The following SLC9A4 variants were observed in gnomAD, a reference collection of about 807,000 sequenced individuals.
SLC9A4 encodes the protein sodium/hydrogen exchanger 4.
In SLC9A4, 63 loss-of-function variants were observed where a neutral mutation model predicts 67.4. That is an observed-to-expected ratio of 0.93 (90% CI 0.76 to 1.15). SLC9A4 has a LOEUF of 1.15. Ranked by LOEUF, SLC9A4 falls within the 50% of genes most tolerant of loss-of-function variation. The pLI is 0.00. For synonymous variants in SLC9A4, 393 were observed against 367.2 expected, an observed-to-expected ratio of 1.07 and a Z score of -0.80; for missense variants, 1,089 against 987.7, an observed-to-expected ratio of 1.10 and a Z score of -1.38.
Position 102,473,281 on chromosome 2 carries a change from T to A in SLC9A4, c.-479T>A, listed in dbSNP as rs1456574994. On this transcript the variant is annotated 5_prime_UTR_variant, in exon 1 of 12. Coordinates refer to ENST00000295269, the MANE Select transcript of SLC9A4 (RefSeq NM_001011552.4). Reference sequence around the variant, plus strand: ...AGAGAAGGAACAAGCGCAGATCAGGTAGCTCCTTCTTGGGATCTGATAGAC... The same window carrying A: ...AGAGAAGGAACAAGCGCAGATCAGGAAGCTCCTTCTTGGGATCTGATAGAC... The A allele has an allele frequency of 6.5e-6, 1 of 154,584 alleles. No individual in the cohort carries two copies. The highest frequency in any genetic ancestry group is 6.4e-5 in the Admixed American group (1 of 15,544). The allele number at this position is 154,584 out of a possible 1,614,324, so 9.6% of individuals were successfully genotyped here. A position where few individuals can be genotyped will look rare whatever the true frequency, so the allele number is the denominator to read the frequency against.
At position 102,487,956 on chromosome 2, in the gene SLC9A4, C is replaced by T. The variant is rs183344457; in HGVS notation, c.720+8654C>T. On this transcript the variant is annotated intron_variant, in intron 2 of 11. Transcript: ENST00000295269. ...AGCTTCATCTCCTGCCTTTGAGGAG[C>T]CACAGCTATGAACACATGACTTATT... Among the ~76,000 whole-genome samples, 427 of 152,344 alleles carry T rather than the reference C, an allele frequency of 2.8e-3. 6 individuals carry two copies. Among genetic ancestry groups the T allele is most frequent in the African/African-American group, 9.3e-3 (388 of 41,576 alleles).
At chr2:102,500,319 G>A (rs1012639054) in intron 2 of SLC9A4, among the ~76,000 whole-genome samples, 1 of 152,168 alleles carries the variant, frequency 6.6e-6, no homozygotes, top group African/African-American at 2.4e-5. Context: ...ACGCCTTCAG[G>A]GGGCGCGTAG....
At chr2:102,490,513 C>T (rs531320044) in intron 2 of SLC9A4, among the ~76,000 whole-genome samples, 1 of 152,250 alleles carries the variant, frequency 6.6e-6, no homozygotes, top group Admixed American at 6.5e-5. Flanking sequence ...TGGATTAAGG[C>T]CCCACCCTTA....
intron 9 of SLC9A4, among the ~76,000 whole-genome samples, chr2:102,523,766 T>C (rs1306909298): frequency 6.6e-6 from 1 of 152,204 alleles, no homozygotes; most frequent in Non-Finnish European, 1.5e-5. Context: ...TCTTTTATGG[T>C]AACAGACTCA....
At chr2:102,517,026 A>G (rs1030888255) in intron 8 of SLC9A4, among the ~76,000 whole-genome samples, 2 of 152,228 alleles carry the variant, frequency 1.3e-5, no homozygotes, top group Non-Finnish European at 1.5e-5. Flanking sequence ...TGGATTGCAC[A>G]TTGACAGGTA....
intron 8 of SLC9A4, among the ~76,000 whole-genome samples, chr2:102,516,989 C>T (rs1287293304): frequency 6.6e-6 from 1 of 152,148 alleles, no homozygotes; most frequent in African/African-American, 2.4e-5. Flanking sequence ...CCTAAAGTAA[C>T]TTCATTGTAG....
rs761634145 is a variant in SLC9A4 at position 102,478,950 on chromosome 2, C to G, written c.368C>G (p.Pro123Arg). The change falls in exon 2 of 12, where the codon CCG (proline) becomes CGG (arginine). Residue 123 changes from proline to arginine, a missense_variant. Coordinates refer to ENST00000295269, the MANE Select transcript of SLC9A4 (RefSeq NM_001011552.4). ...TTCGGCACCGACCACAAATCGCCTCCGGTCATGGACTCCAGCATCTACTTC... is the reference window on the plus strand; with the variant it reads ...TTCGGCACCGACCACAAATCGCCTCGGGTCATGGACTCCAGCATCTACTTC... ...IIFGTDHKSP[P>R]VMDSSIYFLY... The G allele has an allele frequency of 3.7e-6, 6 of 1,613,936 alleles. No individual in the cohort carries two copies. Among genetic ancestry groups the G allele is most frequent in the Non-Finnish European group, 4.2e-6 (5 of 1,179,986 alleles).
At chr2:102,494,551 C>G (rs936733300) in intron 2 of SLC9A4, among the ~76,000 whole-genome samples, 1 of 152,000 alleles carries the variant, frequency 6.6e-6, no homozygotes, top group Admixed American at 6.6e-5. Flanking sequence ...ATTAACAGAA[C>G]TGATTATAAA....
intron 4 of SLC9A4, among the ~76,000 whole-genome samples, chr2:102,507,820 T>A (rs1685080027): frequency 6.6e-6 from 1 of 152,222 alleles, no homozygotes; most frequent in Non-Finnish European, 1.5e-5. Context: ...TTTATTAATT[T>A]AAACACATAA....
Position 102,483,837 on chromosome 2 carries a change from T to TACAC in SLC9A4, c.720+4536_720+4537insCACA, listed in dbSNP as rs1361861820. 4.1e-3 allele frequency among the ~76,000 whole-genome samples: 499 copies of TACAC among 121,570 alleles called. 2 individuals are homozygous for TACAC. The highest frequency in any genetic ancestry group is 0.03 in the East Asian group (127 of 4,212). The allele number at this position is 121,570 out of a possible 152,430, so 79.8% of individuals were successfully genotyped here. A position where few individuals can be genotyped will look rare whatever the true frequency, so the allele number is the denominator to read the frequency against. On this transcript the variant is annotated intron_variant, in intron 2 of 11. Transcript: ENST00000295269. Reference sequence around the variant, plus strand: ...ATATATATATATATATATATATATATATATACACACACACAATATACACAC... The same window carrying TACAC: ...ATATATATATATATATATATATATATACACATATACACACACACAATATACACAC...
chr2:102,495,683 G>C (rs1573336488), intron 2 of SLC9A4, among the ~76,000 whole-genome samples: 1 of 152,172 alleles, frequency 6.6e-6, no homozygotes, highest in African/African-American at 2.4e-5. Flanking sequence ...GACTATGAAA[G>C]AGACTGGAGA....
chr2:102,503,152 G>A (rs1181474590), intron 2 of SLC9A4, among the ~76,000 whole-genome samples: 1 of 152,236 alleles, frequency 6.6e-6, no homozygotes, highest in African/African-American at 2.4e-5. Context: ...ACAAATGGAA[G>A]GGTTCATTTG....
intron 5 of SLC9A4, among the ~76,000 whole-genome samples, chr2:102,508,549 A>G (rs1453312205): frequency 6.6e-6 from 1 of 152,232 alleles, no homozygotes; most frequent in African/African-American, 2.4e-5. Context: ...TGAGATTCCA[A>G]TTAGTACTAC....
chr2:102,517,724 T>C lies in SLC9A4; in HGVS notation c.1722-2135T>C, dbSNP rs1332796015. 2.0e-5 allele frequency among the ~76,000 whole-genome samples: 3 copies of C among 152,256 alleles called. No homozygotes were observed. In the East Asian group the frequency reaches 5.8e-4, roughly 29 times the overall value. On this transcript the variant is annotated intron_variant, in intron 8 of 11. Coordinates refer to ENST00000295269, the MANE Select transcript of SLC9A4 (RefSeq NM_001011552.4). ...ACCCCAAAACTATGTACAACTACTA[T>C]GTATCAATATAAAAGATAAGTAAGA...
At chr2:102,494,885 T>G (rs989938445) in intron 2 of SLC9A4, among the ~76,000 whole-genome samples, 1 of 152,106 alleles carries the variant, frequency 6.6e-6, no homozygotes, top group East Asian at 1.9e-4. Context: ...TCTATAATTT[T>G]AGTAGGAGAT....
intron 2 of SLC9A4, among the ~76,000 whole-genome samples, chr2:102,491,160 C>T (rs1684689723): frequency 1.3e-5 from 2 of 152,128 alleles, no homozygotes; most frequent in Non-Finnish European, 2.9e-5. Flanking sequence ...TGCAATCCTA[C>T]AAGATTCCTA....
chr2:102,532,881 A>G lies in SLC9A4; in HGVS notation c.*193A>G. Reference sequence around the variant, plus strand: ...AACTTGCAGGCTCTGCCATGTACTTATTGTGGGGTACCTTTAGATGAATTC... The same window carrying G: ...AACTTGCAGGCTCTGCCATGTACTTGTTGTGGGGTACCTTTAGATGAATTC... On this transcript the variant is annotated 3_prime_UTR_variant, in exon 12 of 12. Transcript: ENST00000295269. 2 of 540,006 alleles carry G rather than the reference A, an allele frequency of 3.7e-6. No homozygotes were observed. Among genetic ancestry groups the G allele is most frequent in the Non-Finnish European group, 6.5e-6 (2 of 309,108 alleles). The allele number at this position is 540,006 out of a possible 1,614,324, so 33.5% of individuals were successfully genotyped here.
intron 2 of SLC9A4, among the ~76,000 whole-genome samples, chr2:102,503,220 A>C (rs1573341875): frequency 6.6e-6 from 1 of 152,262 alleles, no homozygotes; most frequent in Admixed American, 6.5e-5. Flanking sequence ...ACAGGCACGT[A>C]GTAGGTGCTC....
intron 11 of SLC9A4, among the ~76,000 whole-genome samples, chr2:102,530,995 G>T (rs1194469599): frequency 6.8e-6 from 1 of 146,680 alleles, no homozygotes; most frequent in African/African-American, 2.5e-5. Flanking sequence ...TTTTTGTTTT[G>T]TTTTTTTAGG....
Sources: allele counts gnomAD v4.1 joint callset (sites outside exome capture counted in the v4.1 genomes callset), GRCh38; gene constraint gnomAD v4.1.1; transcripts MANE v1.5; gene names NCBI Gene and HGNC (gene_info 2026-07-23, HGNC 2026-07-21).